DNAH6: variants seen among roughly 807,000 people sequenced by gnomAD.
DNAH6 encodes the protein dynein axonemal heavy chain 6, also known as axonemal beta dynein heavy chain 6.
DNAH6 carries 340 observed loss-of-function variants against 491.4 expected under a neutral mutation model. The observed-to-expected ratio is 0.69, with a 90% CI of 0.63 to 0.76. DNAH6 has a LOEUF of 0.76. Ranked by LOEUF, DNAH6 falls within the 30% of genes least tolerant of loss-of-function variation. The pLI is 0.00. For synonymous variants in DNAH6, 1,603 were observed against 1,686.1 expected (o/e 0.95, Z 1.21); for missense variants, 4,443 against 4,972.2 (o/e 0.89, Z 3.20).
Position 84,767,714 on chromosome 2 carries a change from T to C in DNAH6, c.10703+4769T>C, listed in dbSNP as rs532277449. Among the ~76,000 whole-genome samples, 164 of 151,886 alleles carry C rather than the reference T, an allele frequency of 1.1e-3. 5 individuals are homozygous for C. Among genetic ancestry groups the C allele is most frequent in the South Asian group, 9.4e-3 (45 of 4,810 alleles). ...AAGATCTATTAAAGTGTAATTTGAG[T>C]CCCAGAAGGAGAGAAGAGTGCAGAA... On this transcript the variant is annotated intron_variant, in intron 64 of 76. Coordinates refer to ENST00000389394, the MANE Select transcript of DNAH6 (RefSeq NM_001370.2).
At chr2:84,716,096 T>G (rs1373645764) in intron 58 of DNAH6, among the ~76,000 whole-genome samples, 1 of 150,502 alleles carries the variant, frequency 6.6e-6, no homozygotes, top group Non-Finnish European at 1.5e-5. Context: ...TGTATATATA[T>G]GTATATATGT....
At chr2:84,678,502 T>C (rs78329618) in intron 41 of DNAH6, among the ~76,000 whole-genome samples, 1,881 of 152,276 alleles carry the variant, frequency 0.012, 16 homozygotes, top group Non-Finnish European at 0.02. Flanking sequence ...GAATTTGCAA[T>C]TTATTTCATT....
At chr2:84,545,642 C>G (rs542131855) in intron 5 of DNAH6, among the ~76,000 whole-genome samples, 1 of 151,900 alleles carries the variant, frequency 6.6e-6, no homozygotes, top group African/African-American at 2.4e-5. Context: ...AAATTTAGTC[C>G]CAGCAGACTA....
Position 84,713,162 on chromosome 2 carries a change from G to C in DNAH6, c.9446G>C (p.Arg3149Pro). The C allele has an allele frequency of 6.4e-7, 1 of 1,551,670 alleles. No individual in the cohort carries two copies. Among genetic ancestry groups the C allele is most frequent in the Non-Finnish European group, 8.7e-7 (1 of 1,146,940 alleles). ...LLKQIFISGG[R>P]LLIRLGDSDI... ...AAACAAATTTTTATCAGTGGTGGCC[G>C]ACTACTCATCCGTCTTGGAGACTCA... The change falls in exon 57 of 77, where the codon CGA becomes CCA. Residue 3149 changes from arginine (R) to proline (P), a missense_variant. Arg to Pro is a moderately radical substitution (Grantham distance 103). Coordinates refer to ENST00000389394, the MANE Select transcript of DNAH6 (RefSeq NM_001370.2).
intron 37 of DNAH6, among the ~76,000 whole-genome samples, chr2:84,660,456 C>A (rs1009039236): frequency 2.0e-5 from 3 of 151,976 alleles, no homozygotes; most frequent in African/African-American, 7.2e-5. Context: ...ATGGCTAATA[C>A]CAACTAACCT....
chr2:84,705,846 A>G (rs1171078695), intron 52 of DNAH6, 99 bp downstream of exon 52: 1 of 1,298,114 alleles, frequency 7.7e-7, no homozygotes, highest in African/African-American at 1.5e-5. Context: ...TACGCAATAT[A>G]GACAGTGACA....
intron 5 of DNAH6, among the ~76,000 whole-genome samples, chr2:84,545,165 CAA>C (rs1462692290): frequency 6.6e-6 from 1 of 152,118 alleles, no homozygotes; most frequent in Non-Finnish European, 1.5e-5. Context: ...GACACTATCT[CAA>C]GTTTGCTTTT....
Position 84,745,194 on chromosome 2 carries a change from C to T in DNAH6, c.10457C>T (p.Ala3486Val). ...GCAGCACACCAAGATCCATGGAGTG[C>T]AGGATTGAGTTCTTTCCATAAGCTA... ...KEAAHQDPWS[A>V]GLSSFHKLIL... is the part of the protein sequence containing the mutation. The change falls in exon 63 of 77, where the codon GCA (alanine) becomes GTA (valine). Residue 3486 changes from alanine (A) to valine (V), a missense_variant. Transcript: ENST00000389394. The T allele has an allele frequency of 6.5e-7, 1 of 1,545,186 alleles. No homozygotes were observed. Among genetic ancestry groups the T allele is most frequent in the Non-Finnish European group, 8.7e-7 (1 of 1,144,714 alleles).
chr2:84,574,272 AT>A (rs530579219), intron 12 of DNAH6, among the ~76,000 whole-genome samples: 381 of 152,118 alleles, frequency 2.5e-3, no homozygotes, highest in African/African-American at 8.6e-3. Flanking sequence ...ACCAGCACTA[AT>A]TTTTTCTTTA....
chr2:84,740,968 C>T (rs1672471342), intron 62 of DNAH6, among the ~76,000 whole-genome samples: 1 of 152,126 alleles, frequency 6.6e-6, no homozygotes, highest in Non-Finnish European at 1.5e-5. Context: ...TTGCTGTGGC[C>T]ACCGCTGCCA....
chr2:84,807,172 G>A (rs1679499635), intron 71 of DNAH6, among the ~76,000 whole-genome samples: 1 of 151,964 alleles, frequency 6.6e-6, no homozygotes, highest in Admixed American at 6.5e-5. Context: ...GCCCTGAGAG[G>A]AATGGTGGAA....
intron 2 of DNAH6, among the ~76,000 whole-genome samples, chr2:84,525,076 T>C (rs567828192): frequency 3.3e-5 from 5 of 152,248 alleles, no homozygotes; most frequent in South Asian, 4.1e-4. Flanking sequence ...TTCTTCACTT[T>C]ATTATGTTAA....
chr2:84,481,798 G>C, the DNAH6 span, among the ~76,000 whole-genome samples: 1 of 152,208 alleles, frequency 6.6e-6, no homozygotes, highest in East Asian at 1.9e-4. Flanking sequence ...CAGAGATTAG[G>C]CCGTAGAAGC....
Position 84,703,538 on chromosome 2 carries a change from A to C in DNAH6, c.8205A>C (p.Ala2735=). 1 of 1,551,362 alleles carries C rather than the reference A, an allele frequency of 6.4e-7. No individual in the cohort carries two copies. Among genetic ancestry groups the C allele is most frequent in the Non-Finnish European group, 8.7e-7 (1 of 1,146,740 alleles). The change falls in exon 50 of 77, where the codon GCA becomes GCC. Residue 2735 remains alanine, a synonymous_variant. Transcript: ENST00000389394. The part of the protein sequence containing the change: ...EDVEALMEKL[A]VDQESADQVR... ...TTGAAGCCCTGATGGAAAAATTGGCAGTGGATCAAGAAAGTGCCGATCAGG... is the reference window on the plus strand; with the variant it reads ...TTGAAGCCCTGATGGAAAAATTGGCCGTGGATCAAGAAAGTGCCGATCAGG...
intron 31 of DNAH6, among the ~76,000 whole-genome samples, chr2:84,638,712 G>A (rs2104488427): frequency 6.6e-6 from 1 of 152,280 alleles, no homozygotes; most frequent in Admixed American, 6.5e-5. Context: ...TTGCCATAAA[G>A]AAATACCTGA....
chr2:84,555,209 T>G (rs7570770), intron 10 of DNAH6, among the ~76,000 whole-genome samples: 1 of 152,196 alleles, frequency 6.6e-6, no homozygotes, highest in African/African-American at 2.4e-5. Flanking sequence ...AAGTCATGAT[T>G]TCTTACTTTG....
At chr2:84,756,178 T>C (rs1674000086) in intron 63 of DNAH6, among the ~76,000 whole-genome samples, 1 of 152,204 alleles carries the variant, frequency 6.6e-6, no homozygotes, top group African/African-American at 2.4e-5. Context: ...TCTATATTCC[T>C]AGTATGTGGA....
upstream of DNAH6, among the ~76,000 whole-genome samples, chr2:84,514,713 T>C (rs1290817059): frequency 1.3e-5 from 2 of 152,204 alleles, no homozygotes; most frequent in South Asian, 2.1e-4. Flanking sequence ...AGCTGCTACA[T>C]TGATTTAGTA....
intron 64 of DNAH6, among the ~76,000 whole-genome samples, chr2:84,775,446 A>G (rs1434200189): frequency 6.6e-6 from 1 of 152,130 alleles, no homozygotes; most frequent in Non-Finnish European, 1.5e-5. Flanking sequence ...ATCTATGTTC[A>G]TCATAGATAT....
Sources: gnomAD v4.1 joint callset for allele counts (sites outside exome capture counted in the v4.1 genomes callset) on GRCh38, gnomAD v4.1.1 for gene constraint, MANE v1.5 for transcripts, NCBI Gene and HGNC (gene_info 2026-07-23, HGNC 2026-07-21) for gene names.